The following STXBP6 variants were observed in gnomAD, a reference collection of about 807,000 sequenced individuals.
STXBP6 encodes syntaxin-binding protein 6.
STXBP6 carries 21 observed loss-of-function variants against 26.9 expected under a neutral mutation model. The ratio of observed to expected loss-of-function variants is 0.78; its 90% CI spans 0.55 to 1.12. The LOEUF (loss-of-function observed/expected upper bound fraction) is 1.12, where lower values mean the gene tolerates loss of function less well. Ranked by LOEUF, STXBP6 falls within the 50% of genes most tolerant of loss-of-function variation. The pLI, the probability that STXBP6 is intolerant of heterozygous loss-of-function variation, is 0.00. For missense variants in STXBP6, 232 were observed against 257.9 expected (o/e 0.90, Z 0.69); for synonymous variants, 97 against 92.6 (o/e 1.05, Z -0.27).
chr14:24,844,220 C>T lies in STXBP6; in HGVS notation c.451+11716G>A, dbSNP rs944889064. Among the ~76,000 whole-genome samples the T allele has an allele frequency of 7.9e-5, 12 of 152,322 alleles. 2 individuals are homozygous for T. The highest frequency in any genetic ancestry group is 3.9e-4 in the Admixed American group (6 of 15,300). Reference sequence around the variant, plus strand: ...CATGGGGACAGAAGCCGCTATGCTCCGGACTCTTCTGGACCTTGCCCTATG... The same window carrying T: ...CATGGGGACAGAAGCCGCTATGCTCTGGACTCTTCTGGACCTTGCCCTATG... On this transcript the variant is annotated intron_variant, in intron 4 of 5. Coordinates refer to ENST00000323944, the MANE Select transcript of STXBP6 (RefSeq NM_001394410.1).
At chr14:24,948,723 C>T (rs1225992444) in intron 2 of STXBP6, among the ~76,000 whole-genome samples, 2 of 152,140 alleles carry the variant, frequency 1.3e-5, no homozygotes, top group Non-Finnish European at 2.9e-5. Context: ...TTATCCTTAA[C>T]AACACTTTCA....
intron 2 of STXBP6, among the ~76,000 whole-genome samples, chr14:24,966,269 GAA>G (rs1190655747): frequency 6.6e-6 from 1 of 152,088 alleles, no homozygotes; most frequent in East Asian, 1.9e-4. Flanking sequence ...TAGAAAAGCT[GAA>G]GTCACTGACA....
In STXBP6 at chr14:24,813,147, A is replaced by G. The variant is rs1037051556; in HGVS notation, c.610-415T>C. Among the ~76,000 whole-genome samples the G allele has an allele frequency of 3.6e-4, 55 of 152,172 alleles. 1 individual carries two copies. The highest frequency in any genetic ancestry group is 1.2e-3 in the African/African-American group (51 of 41,424). ...ACTGGCATCTCATGAAGTATTAAAA[A>G]TCAACAGCTTTTAGTGAGACAATCT... On this transcript the variant is annotated intron_variant, in intron 5 of 5. Transcript: ENST00000323944.
chr14:24,926,703 G>C (rs1206622538), intron 2 of STXBP6, among the ~76,000 whole-genome samples: 1 of 152,106 alleles, frequency 6.6e-6, no homozygotes, highest in African/African-American at 2.4e-5. Flanking sequence ...TTACGGTTAA[G>C]AGCAGCCTCT....
At chr14:24,894,344 G>A (rs2070900292) in intron 2 of STXBP6, among the ~76,000 whole-genome samples, 1 of 152,206 alleles carries the variant, frequency 6.6e-6, no homozygotes, top group Non-Finnish European at 1.5e-5. Flanking sequence ...TATCTAGGTT[G>A]GGGAAAGTGA....
chr14:24,892,070 T>C (rs1020182364), intron 2 of STXBP6, among the ~76,000 whole-genome samples: 1 of 152,214 alleles, frequency 6.6e-6, no homozygotes, highest in Non-Finnish European at 1.5e-5. Context: ...ACTATATATG[T>C]TTGAAATTAT....
intron 2 of STXBP6, among the ~76,000 whole-genome samples, chr14:24,882,227 A>T (rs531837515): frequency 6.7e-6 from 1 of 149,718 alleles, no homozygotes; most frequent in Non-Finnish European, 1.5e-5. Flanking sequence ...AAAATACAAA[A>T]AATTAGCCGG....
chr14:24,929,876 A>C (rs2072317573), intron 2 of STXBP6, among the ~76,000 whole-genome samples: 1 of 152,206 alleles, frequency 6.6e-6, no homozygotes, highest in African/African-American at 2.4e-5. Context: ...ATCCTGGCAG[A>C]AGGGGTAGCA....
intron 1 of STXBP6, among the ~76,000 whole-genome samples, chr14:25,045,136 C>A (rs936721660): frequency 6.6e-6 from 1 of 152,154 alleles, no homozygotes; most frequent in South Asian, 2.1e-4. Context: ...GTGGTTTGTG[C>A]TAACTCAGTA....
chr14:24,941,276 A>C (rs2072793480), intron 2 of STXBP6, among the ~76,000 whole-genome samples: 1 of 152,228 alleles, frequency 6.6e-6, no homozygotes, highest in African/African-American at 2.4e-5. Flanking sequence ...GAGAGTAGAC[A>C]AACATAAATG....
chr14:24,973,940 TCCATA>T (rs2073974805), intron 2 of STXBP6, among the ~76,000 whole-genome samples: 1 of 152,134 alleles, frequency 6.6e-6, no homozygotes. Flanking sequence ...CTTCCATCAC[TCCATA>T]CAAGAAATAT....
At chr14:24,997,953 T>C (rs1245818886) in intron 1 of STXBP6, among the ~76,000 whole-genome samples, 2 of 152,212 alleles carry the variant, frequency 1.3e-5, no homozygotes, top group African/African-American at 4.8e-5. Flanking sequence ...ACTTGACCAT[T>C]TTCCTATTAG....
At chr14:24,892,787 C>A (rs958612832) in intron 2 of STXBP6, among the ~76,000 whole-genome samples, 1 of 152,154 alleles carries the variant, frequency 6.6e-6, no homozygotes. Context: ...GGGAGAACAT[C>A]AAATATGAGG....
chr14:24,918,452 C>CCCCACA (rs1491161719), intron 2 of STXBP6, among the ~76,000 whole-genome samples: 4 of 133,398 alleles, frequency 3.0e-5, no homozygotes, highest in Non-Finnish European at 4.8e-5. Flanking sequence ...CACACCCCCA[C>CCCCACA]CACACACACA....
At chr14:25,017,764 G>A (rs55802928) in intron 1 of STXBP6, among the ~76,000 whole-genome samples, 19,171 of 152,228 alleles carry the variant, frequency 0.13, 1,302 homozygotes, top group Middle Eastern at 0.17. Context: ...GATAGCATCT[G>A]GAGCCCTGAG....
At chr14:24,886,592 T>A (rs1387549454) in intron 2 of STXBP6, among the ~76,000 whole-genome samples, 1 of 152,230 alleles carries the variant, frequency 6.6e-6, no homozygotes, top group Non-Finnish European at 1.5e-5. Flanking sequence ...TAGTATTAAT[T>A]ACTCTGTGGA....
chr14:24,909,338 C>T (rs1342060004), intron 2 of STXBP6, among the ~76,000 whole-genome samples: 1 of 152,222 alleles, frequency 6.6e-6, no homozygotes, highest in African/African-American at 2.4e-5. Flanking sequence ...TCCACATGAG[C>T]CTCTGTGGTT....
intron 2 of STXBP6, among the ~76,000 whole-genome samples, chr14:24,867,451 C>A (rs2069763767): frequency 6.6e-6 from 1 of 152,134 alleles, no homozygotes; most frequent in South Asian, 2.1e-4. Flanking sequence ...GGCATCAAGA[C>A]AGACACATAG....
intron 1 of STXBP6, among the ~76,000 whole-genome samples, chr14:25,025,184 T>G (rs2075328224): frequency 6.6e-6 from 1 of 152,204 alleles, no homozygotes; most frequent in African/African-American, 2.4e-5. Flanking sequence ...TTTTTTAATT[T>G]AAATCTAATT....
Sources: gnomAD v4.1 joint callset for allele counts (sites outside exome capture counted in the v4.1 genomes callset) on GRCh38, gnomAD v4.1.1 for gene constraint, MANE v1.5 for transcripts, NCBI Gene and HGNC (gene_info 2026-07-23, HGNC 2026-07-21) for gene names.